Variants in CEP120 observed in about 807,000 individuals in gnomAD.
CEP120 encodes centrosomal protein of 120 kDa.
In CEP120, 113 loss-of-function variants were observed where a neutral mutation model predicts 126.5. That is an observed-to-expected ratio of 0.89 (90% confidence interval 0.77 to 1.04). CEP120 has a LOEUF of 1.04. Ranked by LOEUF, CEP120 falls within the 50% of genes least tolerant of loss-of-function variation. The probability of loss-of-function intolerance (pLI) is 0.00; values close to 1 mark genes in which losing one functional copy is unlikely to be tolerated. For synonymous variants in CEP120, 400 were observed against 394.3 expected (o/e 1.01, Z -0.17); for missense variants, 1,230 against 1,155.7 (o/e 1.06, Z -0.93).
In CEP120 at chr5:123,401,788, G is replaced by A. The variant is rs572953548; in HGVS notation, c.464-2504C>T. On this transcript the variant is annotated intron_variant, in intron 4 of 19. Transcript: ENST00000306467. ...ACAAATTCATTCTCCATCTCTGCAC[G>A]CTTATTGATCTCATCCTCATACTTG... The A allele has an allele frequency of 1.3e-3, 1,631 of 1,270,196 alleles. 3 individuals are homozygous for A. The highest frequency in any genetic ancestry group is 1.8e-3 in the Non-Finnish European group (1,526 of 871,296). The allele number at this position is 1,270,196 out of a possible 1,614,324, so 78.7% of individuals were successfully genotyped here.
At chr5:123,354,593 T>C (rs571054198) in intron 18 of CEP120, among the ~76,000 whole-genome samples, 16 of 152,212 alleles carry the variant, frequency 1.1e-4, no homozygotes, top group Non-Finnish European at 2.2e-4. Context: ...TGTAGAACTG[T>C]TGTCATCTTC....
intron 18 of CEP120, among the ~76,000 whole-genome samples, chr5:123,361,247 G>A (rs575464344): frequency 7.9e-5 from 12 of 151,890 alleles, no homozygotes; most frequent in Middle Eastern, 3.4e-3. Context: ...TTCTCTTTGA[G>A]ATATTTCTCC....
rs1042536857 is a variant in CEP120, at chr5:123,401,666, T to C, written c.464-2382A>G. On this transcript the variant is annotated intron_variant, in intron 4 of 19. Coordinates refer to ENST00000306467, the MANE Select transcript of CEP120 (RefSeq NM_001375405.1). ...CTCCCGGATCTCCTCTTCATACAGC[T>C]GCCTGAGGAAGTTGATCTCATCAGT... 2.8e-6 allele frequency: 4 copies of C among 1,417,266 alleles called. No homozygotes were observed. In the African/African-American group the frequency reaches 5.6e-5, roughly 20 times the overall value. 87.8% of individuals were successfully genotyped at this position (1,417,266 alleles called of 1,614,324 possible).
intron 5 of CEP120, among the ~76,000 whole-genome samples, chr5:123,396,848 C>T (rs1772822316): frequency 6.6e-6 from 1 of 152,128 alleles, no homozygotes; most frequent in South Asian, 2.1e-4. Flanking sequence ...GTAAGATCTT[C>T]CTAAGACTTG....
chr5:123,394,368 T>TAGGC (rs1399154426), intron 5 of CEP120, among the ~76,000 whole-genome samples: 2 of 152,166 alleles, frequency 1.3e-5, no homozygotes, highest in African/African-American at 2.4e-5. Flanking sequence ...CTCAGATCAT[T>TAGGC]AGGCATTGGA....
intron 16 of CEP120, among the ~76,000 whole-genome samples, chr5:123,373,756 T>G (rs1771020217): frequency 6.6e-6 from 1 of 152,014 alleles, no homozygotes; most frequent in African/African-American, 2.4e-5. Context: ...GATCCTCGGG[T>G]ACCCCAATGG....
intron 13 of CEP120, 125 bp from the exon 14 acceptor site, chr5:123,382,325 TAAAAAAA>T (rs200376887): frequency 1.8e-5 from 4 of 219,866 alleles, no homozygotes; most frequent in Non-Finnish European, 3.3e-5. Flanking sequence ...TTTTTTATTC[TAAAAAAA>T]AAAAAAAAAA....
intron 18 of CEP120, 70 bp downstream of exon 18, chr5:123,364,426 T>G: frequency 1.0e-6 from 1 of 965,098 alleles, no homozygotes; most frequent in Non-Finnish European, 1.6e-6. Flanking sequence ...TAACAGATAT[T>G]GCCAAACATA....
intron 4 of CEP120, chr5:123,402,395 G>A (rs1415780850): frequency 4.6e-6 from 6 of 1,306,398 alleles, no homozygotes; most frequent in Non-Finnish European, 5.0e-6. Context: ...GATCCTAGAA[G>A]GAGCGGAGAA....
intron 5 of CEP120, among the ~76,000 whole-genome samples, chr5:123,393,982 G>C (rs573922475): frequency 6.6e-6 from 1 of 152,260 alleles, no homozygotes; most frequent in Non-Finnish European, 1.5e-5. Flanking sequence ...TCGAAATTTA[G>C]AGGCCTATGA....
intron 10 of CEP120, among the ~76,000 whole-genome samples, chr5:123,385,885 G>T (rs533942493): frequency 6.6e-6 from 1 of 152,192 alleles, no homozygotes; most frequent in East Asian, 1.9e-4. Context: ...GATTACAGGT[G>T]TAAGTCACCA....
chr5:123,350,059 T>A lies in CEP120; in HGVS notation c.2611A>T (p.Lys871Ter). ...REQESQMARL[K>*]KQQEELEQMR... Reference sequence around the variant, plus strand: ...TGTTCCAATTCTTCCTGCTGTTTTTTAAGACGAGCCATTTGACTTTCTTGC... The same window carrying A: ...TGTTCCAATTCTTCCTGCTGTTTTTAAAGACGAGCCATTTGACTTTCTTGC... The change falls in exon 19 of 20, where the codon AAA (lysine) becomes TAA (stop). Residue 871 changes from lysine to a stop codon, truncating the protein, a stop_gained. Transcript: ENST00000306467. LOFTEE classifies it high-confidence loss of function. The A allele has an allele frequency of 3.1e-6, 5 of 1,613,078 alleles. No individual in the cohort carries two copies. Among genetic ancestry groups the A allele is most frequent in the Non-Finnish European group, 4.2e-6 (5 of 1,179,668 alleles).
rs998316835 is a variant in CEP120, at chr5:123,393,504, A to G, written c.613-7T>C. On this transcript the variant is annotated splice_polypyrimidine_tract_variant and splice_region_variant and intron_variant, in intron 5 of 19. Coordinates refer to ENST00000306467, the MANE Select transcript of CEP120 (RefSeq NM_001375405.1). ...TCATGGTACATGGAATTAACTAAAC[A>G]TTTCAGGAAAAAGAAAACAGTTATT... The G allele has an allele frequency of 1.6e-5, 26 of 1,610,168 alleles. No individual in the cohort carries two copies. The highest frequency in any genetic ancestry group is 2.2e-5 in the Non-Finnish European group (26 of 1,176,936).
chr5:123,358,261 GA>G (rs1457931865), intron 18 of CEP120: 2 of 152,108 alleles, frequency 1.3e-5, no homozygotes, highest in East Asian at 1.9e-4. Context: ...CCTCTGGAAA[GA>G]GAAGACACAG....
chr5:123,391,445 A>C, intron 6 of CEP120, 108 bp from the exon 7 acceptor site: 1 of 772,000 alleles, frequency 1.3e-6, no homozygotes, highest in Non-Finnish European at 2.1e-6. Flanking sequence ...AGAAAATATT[A>C]TGCAGGTTAT....
intron 4 of CEP120, among the ~76,000 whole-genome samples, chr5:123,411,093 T>C (rs941670826): frequency 2.0e-5 from 3 of 152,218 alleles, no homozygotes; most frequent in Non-Finnish European, 4.4e-5. Context: ...CAACATCCTA[T>C]GTCATTGAGG....
chr5:123,403,730 C>T (rs990285857), intron 4 of CEP120: 8 of 422,010 alleles, frequency 1.9e-5, no homozygotes, highest in Admixed American at 8.6e-5. Context: ...GGCATCTGTT[C>T]GATGATATTT....
At chr5:123,367,315 ATATC>A (rs1562013639) in intron 17 of CEP120, among the ~76,000 whole-genome samples, 4 of 151,888 alleles carry the variant, frequency 2.6e-5, no homozygotes, top group African/African-American at 9.7e-5. Context: ...TTCTTTCAAT[ATATC>A]TTCAGTCTTT....
At chr5:123,348,664 T>C (rs919761498) in intron 19 of CEP120, among the ~76,000 whole-genome samples, 1 of 152,204 alleles carries the variant, frequency 6.6e-6, no homozygotes, top group Non-Finnish European at 1.5e-5. Flanking sequence ...TATAATAAGA[T>C]ACTGTTTTAA....
Sources: allele counts gnomAD v4.1 joint callset (sites outside exome capture counted in the v4.1 genomes callset), GRCh38; gene constraint gnomAD v4.1.1; transcripts MANE v1.5; gene names NCBI Gene and HGNC (gene_info 2026-07-23, HGNC 2026-07-21).